MBNL2: variants seen among roughly 807,000 people sequenced by gnomAD.
MBNL2 encodes the protein muscleblind-like protein 2.
MBNL2 carries 17 observed loss-of-function variants against 41.9 expected under a neutral mutation model. That is an observed-to-expected ratio of 0.41 (90% confidence interval 0.28 to 0.61). MBNL2 has a LOEUF of 0.61. Among genes scored for constraint, MBNL2 ranks in the 20% least tolerant of loss-of-function variants. MBNL2 has a pLI of 0.35. For missense variants in MBNL2, 336 were observed against 505.6 expected, an observed-to-expected ratio of 0.66 and a Z score of 3.22; for synonymous variants, 195 against 182.9, an observed-to-expected ratio of 1.07 and a Z score of -0.53.
Position 97,391,479 on chromosome 13 carries a change from CA to C in MBNL2, c.*32del. ...AGATGTAGTTCTTCTGGACAGACCA[CA>C]ACTCTAAGAAGCTAGTGCTGCTATC... On this transcript the variant is annotated 3_prime_UTR_variant, in exon 9 of 9. Coordinates refer to ENST00000679496, the MANE Select transcript of MBNL2 (RefSeq NM_001382683.1). 1 of 908,350 alleles carries C rather than the reference CA, an allele frequency of 1.1e-6. No homozygotes were observed. The highest frequency in any genetic ancestry group is 1.9e-6 in the Non-Finnish European group (1 of 538,994). The allele number at this position is 908,350 out of a possible 1,614,324, so 56.3% of individuals were successfully genotyped here.
rs562586823 is a variant in MBNL2, at chr13:97,268,470, AC to A, written c.-604-7160del. On this transcript the variant is annotated intron_variant, in intron 1 of 8. Coordinates refer to ENST00000679496, the MANE Select transcript of MBNL2 (RefSeq NM_001382683.1). This position sits in a 1 kb window ranked among gnomAD's most constrained non-coding sequence, Gnocchi z 4.6. ...CTGGCCCAGGCACAACACTTTAAAA[AC>A]CGCTGGACTAAAGATCTGGGCATTG... Among the ~76,000 whole-genome samples, 476 of 152,070 alleles carry A rather than the reference AC, an allele frequency of 3.1e-3. No homozygotes were observed. Among genetic ancestry groups the A allele is most frequent in the African/African-American group, 0.011 (462 of 41,482 alleles).
upstream of MBNL2, among the ~76,000 whole-genome samples, chr13:97,218,527 A>G (rs1212082854): frequency 1.3e-5 from 2 of 151,662 alleles, no homozygotes; most frequent in East Asian, 3.9e-4. Context: ...ACAACTGACA[A>G]TTTCTATTGG....
intron 7 of MBNL2, 83 bp from the exon 8 acceptor site, chr13:97,365,053 C>A: frequency 2.3e-6 from 2 of 885,136 alleles, no homozygotes; most frequent in Non-Finnish European, 3.9e-6. Flanking sequence ...GTGCTTCAAT[C>A]TCACTTTGAA....
chr13:97,168,171 T>G, the MBNL2 span, among the ~76,000 whole-genome samples: 8 of 152,080 alleles, frequency 5.3e-5, no homozygotes, highest in African/African-American at 9.7e-5. Context: ...CACTAGTTGG[T>G]CAGGCTGGTC....
intron 3 of MBNL2, among the ~76,000 whole-genome samples, chr13:97,337,095 C>T (rs1190090325): frequency 1.3e-5 from 2 of 152,054 alleles, no homozygotes; most frequent in South Asian, 2.1e-4. Context: ...TATGGGGAGG[C>T]GACTAGATCC....
intron 2 of MBNL2, among the ~76,000 whole-genome samples, chr13:97,316,611 T>C (rs2059078782): frequency 1.3e-5 from 2 of 152,186 alleles, no homozygotes; most frequent in Admixed American, 1.3e-4. Flanking sequence ...GAGCCCTTAG[T>C]GCTGGCTGTT....
chr13:97,178,282 G>C, the MBNL2 span, among the ~76,000 whole-genome samples: 14 of 152,186 alleles, frequency 9.2e-5, no homozygotes, highest in African/African-American at 2.4e-4. Flanking sequence ...ATTTATTTAT[G>C]TGTTTAACTA....
intron 1 of MBNL2, among the ~76,000 whole-genome samples, chr13:97,273,294 T>C (rs1255779479): frequency 6.6e-6 from 1 of 152,244 alleles, no homozygotes; most frequent in East Asian, 1.9e-4. Context: ...GGCAGAAATA[T>C]GTCCTTGTCC....
At chr13:97,329,141 T>C (rs2060160147) in intron 2 of MBNL2, among the ~76,000 whole-genome samples, 1 of 152,204 alleles carries the variant, frequency 6.6e-6, no homozygotes, top group South Asian at 2.1e-4. Flanking sequence ...TCTTTCATGG[T>C]TGCTGATTTT....
At chr13:97,167,541 C>A in the MBNL2 span, among the ~76,000 whole-genome samples, 1 of 152,158 alleles carries the variant, frequency 6.6e-6, no homozygotes, top group African/African-American at 2.4e-5. Context: ...CTATTGTTTT[C>A]TAAAAAGTAA....
At chr13:97,170,140 A>C in the MBNL2 span, among the ~76,000 whole-genome samples, 1 of 152,208 alleles carries the variant, frequency 6.6e-6, no homozygotes, top group South Asian at 2.1e-4. Context: ...CTAGAATGTC[A>C]ATTTCCTTAC....
intron 5 of MBNL2, among the ~76,000 whole-genome samples, chr13:97,352,886 A>C (rs1199264528): frequency 2.0e-5 from 3 of 152,226 alleles, no homozygotes; most frequent in Non-Finnish European, 2.9e-5. Flanking sequence ...AACATCTGCA[A>C]CCAATATATA....
chr13:97,227,236 T>C (rs2041780211), intron 1 of MBNL2, among the ~76,000 whole-genome samples: 1 of 152,126 alleles, frequency 6.6e-6, no homozygotes, highest in Non-Finnish European at 1.5e-5. Context: ...GCCATGTTTA[T>C]AGAACTCTTT....
the MBNL2 span, among the ~76,000 whole-genome samples, chr13:97,213,440 T>C: frequency 6.6e-6 from 1 of 152,170 alleles, no homozygotes; most frequent in Non-Finnish European, 1.5e-5. Context: ...CACAGTGAAC[T>C]AGAAAACCCC....
Position 97,222,409 on chromosome 13 carries a change from G to T in MBNL2, c.-727G>T. 2.5e-6 allele frequency: 1 copy of T among 398,608 alleles called. No individual in the cohort carries two copies. The highest frequency in any genetic ancestry group is 3.6e-5 in the East Asian group (1 of 28,076). The allele number at this position is 398,608 out of a possible 1,614,324, so 24.7% of individuals were successfully genotyped here. A position where few individuals can be genotyped will look rare whatever the true frequency, so the allele number is the denominator to read the frequency against. ...CGGCTTTCAGAGTACAATAAACAGG[G>T]AATGAGAACTATTTACATGGAAGTT... On this transcript the variant is annotated 5_prime_UTR_variant, in exon 1 of 9. Coordinates refer to ENST00000679496, the MANE Select transcript of MBNL2 (RefSeq NM_001382683.1).
At chr13:97,280,206 A>G (rs1313177524) in intron 2 of MBNL2, among the ~76,000 whole-genome samples, 1 of 152,206 alleles carries the variant, frequency 6.6e-6, no homozygotes, top group African/African-American at 2.4e-5. Flanking sequence ...AAAATGTTTG[A>G]GATTTTTGTT....
chr13:97,316,149 A>C (rs61974439), intron 2 of MBNL2, among the ~76,000 whole-genome samples: 53,319 of 151,926 alleles, frequency 0.35, 11,450 homozygotes, highest in East Asian at 0.54. Context: ...ACCTCGACTG[A>C]TGACAAAAAT....
intron 5 of MBNL2, among the ~76,000 whole-genome samples, chr13:97,349,556 C>T (rs1011149997): frequency 2.0e-5 from 3 of 152,166 alleles, no homozygotes; most frequent in Admixed American, 6.5e-5. Context: ...CAGAGTCTTG[C>T]TCTGTCAGTC....
chr13:97,156,322 G>A, the MBNL2 span, among the ~76,000 whole-genome samples: 121 of 145,342 alleles, frequency 8.3e-4, 10 homozygotes, highest in African/African-American at 2.6e-3. Flanking sequence ...AGTAGGTTGC[G>A]AAAATTTTCT....
Sources: gnomAD v4.1 joint callset for allele counts (sites outside exome capture counted in the v4.1 genomes callset) on GRCh38, gnomAD v4.1.1 for gene constraint, Gnocchi (gnomAD v3.1) non-coding constraint, MANE v1.5 for transcripts, NCBI Gene and HGNC (gene_info 2026-07-23, HGNC 2026-07-21) for gene names.